B3GALT1: variants seen among roughly 807,000 people sequenced by gnomAD.
B3GALT1 encodes beta-1,3-galactosyltransferase 1, also known as UDP-Gal:betaGlcNAc beta 1,3-galactosyltransferase, polypeptide 1.
B3GALT1 carries 10 observed loss-of-function variants against 23.2 expected under a neutral mutation model. The observed-to-expected ratio is 0.43, with a 90% CI of 0.27 to 0.73. The LOEUF (loss-of-function observed/expected upper bound fraction) is 0.73, where lower values mean the gene tolerates loss of function less well. Ranked by LOEUF, B3GALT1 falls within the 30% of genes least tolerant of loss-of-function variation. The pLI is 0.21. For synonymous variants in B3GALT1, 156 were observed against 141.5 expected, an observed-to-expected ratio of 1.10 and a Z score of -0.73; for missense variants, 299 against 405.4, an observed-to-expected ratio of 0.74 and a Z score of 2.25.
intron 2 of B3GALT1, among the ~76,000 whole-genome samples, chr2:167,513,819 C>A (rs536336410): frequency 6.6e-6 from 1 of 152,066 alleles, no homozygotes; most frequent in Non-Finnish European, 1.5e-5. Flanking sequence ...CAGATGTACA[C>A]TCTTCAGTTT....
intron 4 of B3GALT1, among the ~76,000 whole-genome samples, chr2:167,840,479 T>C (rs1356477869): frequency 1.0e-4 from 15 of 150,722 alleles, no homozygotes; most frequent in Admixed American, 2.6e-4. Flanking sequence ...CAATGAGATA[T>C]CATCTCACAC....
At chr2:167,754,250 T>C (rs1199633794) in intron 3 of B3GALT1, among the ~76,000 whole-genome samples, 1 of 152,228 alleles carries the variant, frequency 6.6e-6, no homozygotes, top group Admixed American at 6.5e-5. Flanking sequence ...ACTTGATTTC[T>C]AGATTCTACA....
chr2:167,314,530 T>TCAC (rs1431706846), intron 1 of B3GALT1, among the ~76,000 whole-genome samples: 3 of 152,206 alleles, frequency 2.0e-5, no homozygotes, highest in Non-Finnish European at 4.4e-5. Context: ...TGGTTTGGAA[T>TCAC]CATACCACGG....
rs572375934 is a variant in B3GALT1, at chr2:167,713,862, G to C, written c.-352+66896G>C. The C allele has an allele frequency of 3.1e-5, 49 of 1,591,106 alleles. 1 individual carries two copies. The highest frequency in any genetic ancestry group is 2.0e-4 in the African/African-American group (15 of 74,580). ...GGTGGACCTGGGAAATCCCTTGATA[G>C]AAAATAACCTCGTGAAGCTCCAAAC... On this transcript the variant is annotated intron_variant, in intron 3 of 4. Transcript: ENST00000392690.
intron 2 of B3GALT1, among the ~76,000 whole-genome samples, chr2:167,607,403 C>T (rs945024486): frequency 5.3e-5 from 8 of 152,264 alleles, no homozygotes; most frequent in African/African-American, 7.2e-5. Flanking sequence ...TTCTGGGTCA[C>T]GACTTCTGCC....
chr2:167,310,444 T>C (rs920552805), intron 1 of B3GALT1, among the ~76,000 whole-genome samples: 3 of 152,098 alleles, frequency 2.0e-5, no homozygotes, highest in Non-Finnish European at 4.4e-5. Flanking sequence ...AAAGATTATT[T>C]GCAAGGTGTG....
intron 3 of B3GALT1, among the ~76,000 whole-genome samples, chr2:167,724,220 T>A (rs1687274034): frequency 6.6e-6 from 1 of 152,198 alleles, no homozygotes; most frequent in Non-Finnish European, 1.5e-5. Flanking sequence ...CCCATCAATA[T>A]TATCTACAAG....
At chr2:167,659,533 G>A (rs900696435) in intron 3 of B3GALT1, among the ~76,000 whole-genome samples, 2 of 151,972 alleles carry the variant, frequency 1.3e-5, no homozygotes, top group Non-Finnish European at 2.9e-5. Flanking sequence ...TACATTGTAC[G>A]GAGTCAGGAG....
At chr2:167,564,878 C>T (rs963583022) in intron 2 of B3GALT1, among the ~76,000 whole-genome samples, 4 of 152,192 alleles carry the variant, frequency 2.6e-5, no homozygotes, top group African/African-American at 9.7e-5. Flanking sequence ...AATGGAAGAA[C>T]ATTCCATGCT....
At chr2:167,577,097 C>T (rs1303957575) in intron 2 of B3GALT1, among the ~76,000 whole-genome samples, 1 of 151,698 alleles carries the variant, frequency 6.6e-6, no homozygotes, top group Non-Finnish European at 1.5e-5. Flanking sequence ...AACAGGCAAC[C>T]TTTTGGTCAT....
At chr2:167,475,257 A>C (rs999717585) in intron 1 of B3GALT1, among the ~76,000 whole-genome samples, 1 of 152,034 alleles carries the variant, frequency 6.6e-6, no homozygotes, top group African/African-American at 2.4e-5. Context: ...GCATATCCAC[A>C]CTGGAGACAC....
intron 1 of B3GALT1, among the ~76,000 whole-genome samples, chr2:167,395,072 A>C (rs1265491153): frequency 6.6e-6 from 1 of 152,148 alleles, no homozygotes; most frequent in Non-Finnish European, 1.5e-5. Context: ...TGATAATATT[A>C]GAGGATTTTT....
intron 3 of B3GALT1, among the ~76,000 whole-genome samples, chr2:167,721,839 C>T (rs546340134): frequency 1.4e-4 from 21 of 152,266 alleles, no homozygotes; most frequent in Admixed American, 7.2e-4. Flanking sequence ...AATGAAATTC[C>T]GGCCAGGTAG....
chr2:167,404,077 A>C (rs1253856316), intron 1 of B3GALT1, among the ~76,000 whole-genome samples: 1 of 152,072 alleles, frequency 6.6e-6, no homozygotes, highest in Non-Finnish European at 1.5e-5. Context: ...TGGCACCAGC[A>C]TCTGCTTGGT....
At chr2:167,502,215 GA>G (rs1699858075) in intron 2 of B3GALT1, among the ~76,000 whole-genome samples, 1 of 152,052 alleles carries the variant, frequency 6.6e-6, no homozygotes, top group African/African-American at 2.4e-5. Flanking sequence ...ATAAAGAAAA[GA>G]ACAAGGTAAG....
At chr2:167,623,314 C>T (rs1685291698) in intron 2 of B3GALT1, among the ~76,000 whole-genome samples, 1 of 152,084 alleles carries the variant, frequency 6.6e-6, no homozygotes. Flanking sequence ...AAGACACATG[C>T]ACACATATGT....
chr2:167,834,950 C>G (rs1346407680), intron 4 of B3GALT1, among the ~76,000 whole-genome samples: 1 of 152,218 alleles, frequency 6.6e-6, no homozygotes, highest in East Asian at 1.9e-4. Flanking sequence ...AACTCTGCCT[C>G]TGTCTTACAT....
At chr2:167,330,680 G>C (rs1183907001) in intron 1 of B3GALT1, among the ~76,000 whole-genome samples, 2 of 151,948 alleles carry the variant, frequency 1.3e-5, no homozygotes, top group Non-Finnish European at 2.9e-5. Context: ...TCCAGAGTTT[G>C]TTTGTATCTT....
chr2:167,529,474 C>G (rs1183188849), intron 2 of B3GALT1, among the ~76,000 whole-genome samples: 2 of 151,646 alleles, frequency 1.3e-5, no homozygotes, highest in Non-Finnish European at 2.9e-5. Context: ...TAGGATGAAT[C>G]TAAGAGTTTT....
Sources: gnomAD v4.1 joint callset for allele counts (sites outside exome capture counted in the v4.1 genomes callset) on GRCh38, gnomAD v4.1.1 for gene constraint, MANE v1.5 for transcripts, NCBI Gene and HGNC (gene_info 2026-07-23, HGNC 2026-07-21) for gene names.